Variants in ZFHX3 observed in about 807,000 individuals in gnomAD.
ZFHX3 encodes the protein zinc finger homeobox protein 3.
A neutral mutation model predicts 279.1 loss-of-function variants in ZFHX3; 42 were observed. The ratio of observed to expected loss-of-function variants is 0.15; its 90% CI spans 0.12 to 0.19. ZFHX3 has a LOEUF of 0.19. Ranked by LOEUF, ZFHX3 falls within the 10% of genes least tolerant of loss-of-function variation. The probability of loss-of-function intolerance (pLI) is 1.00; values close to 1 mark genes in which losing one functional copy is unlikely to be tolerated. For missense variants in ZFHX3, 4,981 were observed against 4,754.0 expected, an observed-to-expected ratio of 1.05 and a Z score of -1.40; for synonymous variants, 2,293 against 1,957.8, an observed-to-expected ratio of 1.17 and a Z score of -4.52.
At chr16:73,540,253 G>T (rs1282412900) in intron 2 of ZFHX3, among the ~76,000 whole-genome samples, 1 of 152,204 alleles carries the variant, frequency 6.6e-6, no homozygotes, top group East Asian at 1.9e-4. Context: ...TATGGGCTAG[G>T]CGAAGTCCTA....
chr16:73,429,335 T>C (rs1303980200), intron 3 of ZFHX3, among the ~76,000 whole-genome samples: 1 of 152,024 alleles, frequency 6.6e-6, no homozygotes, highest in Non-Finnish European at 1.5e-5. Flanking sequence ...CCTTCAGATA[T>C]ATATATAATT....
chr16:73,360,245 C>T (rs1310015805), intron 3 of ZFHX3, among the ~76,000 whole-genome samples: 9 of 152,138 alleles, frequency 5.9e-5, no homozygotes, highest in African/African-American at 1.7e-4. Context: ...CCGTGAGTTG[C>T]GTATAGACTA....
chr16:73,341,719 G>A (rs148054914), intron 3 of ZFHX3, among the ~76,000 whole-genome samples: 1 of 152,150 alleles, frequency 6.6e-6, no homozygotes, highest in Non-Finnish European at 1.5e-5. Flanking sequence ...GGATAAACAA[G>A]AGATGGTATA....
intron 1 of ZFHX3, among the ~76,000 whole-genome samples, chr16:72,964,089 G>T (rs1168718043): frequency 6.6e-6 from 1 of 152,202 alleles, no homozygotes; most frequent in African/African-American, 2.4e-5. Flanking sequence ...GTGATCCCCT[G>T]CTCTGCCGGA....
At chr16:73,034,681 G>T (rs185649075) in intron 1 of ZFHX3, among the ~76,000 whole-genome samples, 52 of 152,316 alleles carry the variant, frequency 3.4e-4, no homozygotes, top group Non-Finnish European at 6.2e-4. Flanking sequence ...AAACACACTA[G>T]CACTCACAGG....
At chr16:73,227,614 C>T (rs1293752841) in intron 5 of ZFHX3, among the ~76,000 whole-genome samples, 1 of 151,796 alleles carries the variant, frequency 6.6e-6, no homozygotes, top group Non-Finnish European at 1.5e-5. Flanking sequence ...TTTGGGAGGT[C>T]GAGGCAGGTG....
At chr16:73,001,203 TG>T (rs1963486759) in intron 1 of ZFHX3, among the ~76,000 whole-genome samples, 1 of 152,246 alleles carries the variant, frequency 6.6e-6, no homozygotes, top group South Asian at 2.1e-4. Context: ...CATTGTGAGC[TG>T]CTCTGTGGTG....
intron 3 of ZFHX3, among the ~76,000 whole-genome samples, chr16:72,906,805 TC>T (rs972910660): frequency 6.6e-6 from 1 of 151,346 alleles, no homozygotes; most frequent in Non-Finnish European, 1.5e-5. Context: ...CCACCCCCCT[TC>T]CCCCCCTCAA....
chr16:73,740,944 T>A (rs2053651417), intron 1 of ZFHX3, among the ~76,000 whole-genome samples: 1 of 152,068 alleles, frequency 6.6e-6, no homozygotes. Flanking sequence ...AAAGTATCTA[T>A]ATGAATAGAC....
At chr16:73,542,382 C>T (rs532085279) in intron 2 of ZFHX3, among the ~76,000 whole-genome samples, 4 of 151,910 alleles carry the variant, frequency 2.6e-5, no homozygotes, top group African/African-American at 9.7e-5. Flanking sequence ...TTTTTCCCAA[C>T]GTCCTTATTT....
At chr16:73,576,727 AC>A in intron 2 of ZFHX3, among the ~76,000 whole-genome samples, 1 of 148,712 alleles carries the variant, frequency 6.7e-6, no homozygotes, top group African/African-American at 2.5e-5. Context: ...AAAACAAAAA[AC>A]CTTCTATTTT....
intron 5 of ZFHX3, among the ~76,000 whole-genome samples, chr16:73,239,680 A>C (rs183630584): frequency 5.9e-5 from 9 of 152,314 alleles, no homozygotes; most frequent in Admixed American, 5.9e-4. Context: ...AAATCTGCTC[A>C]TCACAGAAGA....
chr16:73,786,829 C>T (rs1959664798), intron 1 of ZFHX3, among the ~76,000 whole-genome samples: 1 of 152,238 alleles, frequency 6.6e-6, no homozygotes, highest in Admixed American at 6.5e-5. Flanking sequence ...AACTTCCAGC[C>T]AGTTGTCCTA....
intron 8 of ZFHX3, among the ~76,000 whole-genome samples, chr16:73,068,348 G>GA (rs1469624129): frequency 1.3e-5 from 2 of 152,174 alleles, no homozygotes; most frequent in African/African-American, 2.4e-5. Context: ...CTGAGGCGCA[G>GA]GAAATAAAAA....
chr16:73,412,571 A>G (rs2017492335), intron 3 of ZFHX3, among the ~76,000 whole-genome samples: 1 of 151,710 alleles, frequency 6.6e-6, no homozygotes, highest in Non-Finnish European at 1.5e-5. Context: ...CCGGCCTCAT[A>G]CTTTGCCTCA....
chr16:73,000,031 T>G (rs1306620603), intron 1 of ZFHX3, among the ~76,000 whole-genome samples: 1 of 152,254 alleles, frequency 6.6e-6, no homozygotes, highest in Non-Finnish European at 1.5e-5. Context: ...TGGAATGGGC[T>G]GACACTGGGC....
chr16:73,540,537 G>A (rs973957853), intron 2 of ZFHX3, among the ~76,000 whole-genome samples: 1 of 152,204 alleles, frequency 6.6e-6, no homozygotes, highest in African/African-American at 2.4e-5. Context: ...TTGAGTAGAA[G>A]TAAAAGCAGG....
chr16:73,657,576 C>G (rs963361508), intron 2 of ZFHX3, among the ~76,000 whole-genome samples: 2 of 152,154 alleles, frequency 1.3e-5, no homozygotes, highest in African/African-American at 4.8e-5. Context: ...ACCTAGTACC[C>G]TTTAGCAATC....
chr16:73,180,884 A>G (rs1237572694), intron 5 of ZFHX3, among the ~76,000 whole-genome samples: 1 of 152,038 alleles, frequency 6.6e-6, no homozygotes. Context: ...GCTGGTCTCA[A>G]ACTTATGGCC....
Sources: gnomAD v4.1 joint callset for allele counts (sites outside exome capture counted in the v4.1 genomes callset) on GRCh38, gnomAD v4.1.1 for gene constraint, MANE v1.5 for transcripts, NCBI Gene and HGNC (gene_info 2026-07-23, HGNC 2026-07-21) for gene names.